The following PPP1CB variants were observed in gnomAD, a reference collection of about 807,000 sequenced individuals.
PPP1CB encodes the protein serine/threonine-protein phosphatase PP1-beta catalytic subunit.
Under a neutral mutation model 43.7 loss-of-function variants are expected in PPP1CB, and 2 were observed. That is an observed-to-expected ratio of 0.05 (90% CI 0.02 to 0.14). The LOEUF (loss-of-function observed/expected upper bound fraction) is 0.14, where lower values mean the gene tolerates loss of function less well. PPP1CB is among the 10% of genes least tolerant of loss of function. The pLI is 1.00. For synonymous variants in PPP1CB, 136 were observed against 135.6 expected, an observed-to-expected ratio of 1.00 and a Z score of -0.02; for missense variants, 84 against 398.0, an observed-to-expected ratio of 0.21 and a Z score of 6.71.
chr2:28,755,081 G>A lies in PPP1CB; in HGVS notation c.52+2905G>A, dbSNP rs148020509. 5.7e-3 allele frequency among the ~76,000 whole-genome samples: 870 copies of A among 151,892 alleles called. 6 individuals carry two copies. The highest frequency in any genetic ancestry group is 9.2e-3 in the Non-Finnish European group (626 of 67,972). ...TTGTTTTTTTGAGACGGAGTTTTGC[G>A]CTTGTCACCCAGGCTGGAGTGCGGT... On this transcript the variant is annotated intron_variant, in intron 1 of 7. Coordinates refer to ENST00000395366, the MANE Select transcript of PPP1CB (RefSeq NM_002709.3).
At chr2:28,760,792 AGAAG>A (rs1666625019) in intron 1 of PPP1CB, among the ~76,000 whole-genome samples, 1 of 152,252 alleles carries the variant, frequency 6.6e-6, no homozygotes, top group African/African-American at 2.4e-5. Context: ...TAGTAAATTA[AGAAG>A]GAATCTTTAT....
At chr2:28,789,060 C>G (rs772751155) in intron 6 of PPP1CB, among the ~76,000 whole-genome samples, 1 of 152,074 alleles carries the variant, frequency 6.6e-6, no homozygotes, top group Non-Finnish European at 1.5e-5. Flanking sequence ...CACATAAGCC[C>G]TCTCATTTTG....
In PPP1CB at chr2:28,802,702, AGT is replaced by A. The variant is rs982229210; in HGVS notation, c.*3401_*3402del. 5.9e-5 allele frequency: 9 copies of A among 152,354 alleles called. No individual in the cohort carries two copies. Among genetic ancestry groups the A allele is most frequent in the African/African-American group, 2.2e-4 (9 of 41,592 alleles). The allele number at this position is 152,354 out of a possible 1,614,324, so 9.4% of individuals were successfully genotyped here. ...ATTGTGATTGGATACTTAGATACTA[AGT>A]GAAACTTAGTGTAACAATTTTGATC... On this transcript the variant is annotated 3_prime_UTR_variant, in exon 8 of 8. Coordinates refer to ENST00000395366, the MANE Select transcript of PPP1CB (RefSeq NM_002709.3).
At chr2:28,768,985 A>T (rs536131770) in intron 1 of PPP1CB, among the ~76,000 whole-genome samples, 1 of 152,344 alleles carries the variant, frequency 6.6e-6, no homozygotes, top group African/African-American at 2.4e-5. Flanking sequence ...CAAAACAGAG[A>T]TATCCAAGCA....
At chr2:28,794,138 G>A in intron 7 of PPP1CB, 141 bp downstream of exon 7, 1 of 663,110 alleles carries the variant, frequency 1.5e-6, no homozygotes, top group African/African-American at 1.8e-5. Flanking sequence ...AAACTCATTA[G>A]ATATTTCTAT....
chr2:28,757,171 T>C (rs796230681), intron 1 of PPP1CB, among the ~76,000 whole-genome samples: 14 of 152,358 alleles, frequency 9.2e-5, no homozygotes, highest in African/African-American at 3.4e-4. Context: ...TTTCTTTTAA[T>C]GTTTTTAACA....
Position 28,752,094 on chromosome 2 carries a change from G to C in PPP1CB, c.-31G>C, listed in dbSNP as rs1362175026. 6.5e-7 allele frequency: 1 copy of C among 1,549,094 alleles called. No homozygotes were observed. Among genetic ancestry groups the C allele is most frequent in the African/African-American group, 1.4e-5 (1 of 72,816 alleles). On this transcript the variant is annotated 5_prime_UTR_variant, in exon 1 of 8. Coordinates refer to ENST00000395366, the MANE Select transcript of PPP1CB (RefSeq NM_002709.3). ...CCGCCGCCGAGAAGCCCTTGTTCCC[G>C]CTGCTGGGAAGGAGAGTCTGTGCCG... is the stretch of plus-strand genomic sequence containing the variant.
At chr2:28,762,326 T>C (rs576635602) in intron 1 of PPP1CB, among the ~76,000 whole-genome samples, 2 of 152,212 alleles carry the variant, frequency 1.3e-5, no homozygotes, top group East Asian at 1.9e-4. Context: ...TAGCAACATA[T>C]TACATTTTAG....
At chr2:28,776,266 T>G (rs868242824) in intron 1 of PPP1CB, among the ~76,000 whole-genome samples, 23 of 138,378 alleles carry the variant, frequency 1.7e-4, no homozygotes, top group Admixed American at 3.5e-4. Context: ...TGTTTGTTTG[T>G]TTTTTTTTTA....
intron 3 of PPP1CB, among the ~76,000 whole-genome samples, chr2:28,780,787 A>G (rs912692689): frequency 7.2e-5 from 11 of 152,136 alleles, no homozygotes; most frequent in Admixed American, 2.6e-4. Context: ...AAATCGAGTA[A>G]CTCTAAAAAG....
chr2:28,762,860 A>C (rs1666688058), intron 1 of PPP1CB, among the ~76,000 whole-genome samples: 1 of 152,254 alleles, frequency 6.6e-6, no homozygotes, highest in Non-Finnish European at 1.5e-5. Flanking sequence ...TCTCATCAGA[A>C]GAGTCCTTAA....
chr2:28,802,901 A>G lies in PPP1CB; in HGVS notation c.*3598A>G, dbSNP rs1272686149. The G allele has an allele frequency of 6.6e-6, 1 of 152,182 alleles. No individual in the cohort carries two copies. The highest frequency in any genetic ancestry group is 1.5e-5 in the Non-Finnish European group (1 of 68,038). The allele number at this position is 152,182 out of a possible 1,614,324, so 9.4% of individuals were successfully genotyped here. On this transcript the variant is annotated 3_prime_UTR_variant, in exon 8 of 8. Coordinates refer to ENST00000395366, the MANE Select transcript of PPP1CB (RefSeq NM_002709.3). Reference sequence around the variant, plus strand: ...CATTGTAATTTACCTTCTCATGCAGATTGCTGATGTTTTATTAAACCTTAT... The same window carrying G: ...CATTGTAATTTACCTTCTCATGCAGGTTGCTGATGTTTTATTAAACCTTAT...
chr2:28,778,020 C>T (rs1180650726), intron 2 of PPP1CB, among the ~76,000 whole-genome samples: 3 of 152,128 alleles, frequency 2.0e-5, no homozygotes, highest in East Asian at 1.9e-4. Context: ...GGTAGTAGTT[C>T]AGAATTTGGG....
At chr2:28,781,908 A>G (rs745374540) in intron 4 of PPP1CB, 66 bp downstream of exon 4, 20 of 1,075,490 alleles carry the variant, frequency 1.9e-5, no homozygotes, top group Non-Finnish European at 2.6e-5. Context: ...ACCTATAATA[A>G]TCAAGAGGCT....
chr2:28,776,074 A>G (rs1167937343), intron 1 of PPP1CB, among the ~76,000 whole-genome samples: 1 of 151,928 alleles, frequency 6.6e-6, no homozygotes, highest in East Asian at 1.9e-4. Flanking sequence ...ATTCCAAGAA[A>G]GTGTGTGAAG....
chr2:28,760,627 A>G (rs1053186537), intron 1 of PPP1CB, among the ~76,000 whole-genome samples: 17 of 152,218 alleles, frequency 1.1e-4, no homozygotes, highest in Admixed American at 9.8e-4. Flanking sequence ...GTCTGACACC[A>G]TTTTAACCTT....
At chr2:28,752,237 C>T (rs932477323) in intron 1 of PPP1CB, 61 bp downstream of exon 1, 2 of 1,429,892 alleles carry the variant, frequency 1.4e-6, no homozygotes, top group Non-Finnish European at 1.9e-6. Context: ...ACCCCTGCGT[C>T]CCCGTCTGCC....
Position 28,801,616 on chromosome 2 carries a change from G to A in PPP1CB, c.*2313G>A, listed in dbSNP as rs372628785. On this transcript the variant is annotated 3_prime_UTR_variant, in exon 8 of 8. Transcript: ENST00000395366. ...TTTACAAATATTTGCTTGGCAACAC[G>A]ACTTGAAATAAATAAAACTTTGTTT... 11 of 152,094 alleles carry A rather than the reference G, an allele frequency of 7.2e-5. No homozygotes were observed. The highest frequency in any genetic ancestry group is 4.6e-4 in the Admixed American group (7 of 15,266). The allele number at this position is 152,094 out of a possible 1,614,324, so 9.4% of individuals were successfully genotyped here.
chr2:28,755,758 AG>A (rs2148453732), intron 1 of PPP1CB, among the ~76,000 whole-genome samples: 1 of 152,268 alleles, frequency 6.6e-6, no homozygotes, highest in African/African-American at 2.4e-5. Context: ...ATTTGGGAGG[AG>A]GTTAGTATGG....
Sources: allele counts gnomAD v4.1 joint callset (sites outside exome capture counted in the v4.1 genomes callset), GRCh38; gene constraint gnomAD v4.1.1; transcripts MANE v1.5; gene names NCBI Gene and HGNC (gene_info 2026-07-23, HGNC 2026-07-21).